The following CUL5 variants were observed in gnomAD, a reference collection of about 807,000 sequenced individuals.
CUL5 encodes cullin-5.
In CUL5, 26 loss-of-function variants were observed where a neutral mutation model predicts 108.8. The ratio of observed to expected loss-of-function variants is 0.24; its 90% CI spans 0.18 to 0.33. The LOEUF is 0.33. Ranked by LOEUF, CUL5 falls within the 10% of genes least tolerant of loss-of-function variation. The pLI is 1.00. For missense variants in CUL5, 524 were observed against 909.2 expected, an observed-to-expected ratio of 0.58 and a Z score of 5.45; for synonymous variants, 334 against 298.0, an observed-to-expected ratio of 1.12 and a Z score of -1.25.
chr11:108,092,142 CAAAA>C (rs942368064), intron 13 of CUL5, among the ~76,000 whole-genome samples: 1 of 150,874 alleles, frequency 6.6e-6, no homozygotes, highest in Non-Finnish European at 1.5e-5. Flanking sequence ...TTCTCAAAAA[CAAAA>C]AAAACACAAA....
chr11:108,051,564 T>G (rs1170522890), intron 4 of CUL5, among the ~76,000 whole-genome samples: 1 of 152,332 alleles, frequency 6.6e-6, no homozygotes, highest in East Asian at 1.9e-4. Flanking sequence ...TTGTTGTTAT[T>G]GTTGCTGTCA....
At chr11:108,066,169 T>C (rs1184556606) in intron 7 of CUL5, among the ~76,000 whole-genome samples, 1 of 152,064 alleles carries the variant, frequency 6.6e-6, no homozygotes, top group Non-Finnish European at 1.5e-5. Flanking sequence ...TGAAACCCTG[T>C]TTCTACTAAA....
intron 1 of CUL5, among the ~76,000 whole-genome samples, chr11:108,010,960 A>T (rs1380645408): frequency 6.6e-6 from 1 of 152,234 alleles, no homozygotes; most frequent in Non-Finnish European, 1.5e-5. Flanking sequence ...GGTTATAGTT[A>T]ACTATGATCA....
intron 3 of CUL5, 89 bp from the exon 4 acceptor site, chr11:108,049,798 AATT>A: frequency 9.9e-7 from 1 of 1,006,574 alleles, no homozygotes; most frequent in Non-Finnish European, 1.5e-6. Context: ...ATAATTTAAA[AATT>A]ATGTACAATT....
chr11:108,071,475 C>A (rs574135928), intron 8 of CUL5, among the ~76,000 whole-genome samples: 18 of 152,250 alleles, frequency 1.2e-4, no homozygotes, highest in African/African-American at 4.3e-4. Context: ...GTTGCCCAGG[C>A]TGATCTCCAC....
chr11:108,097,564 T>A, intron 16 of CUL5, 72 bp from the exon 17 acceptor site: 1 of 818,356 alleles, frequency 1.2e-6, no homozygotes, highest in Non-Finnish European at 2.0e-6. Flanking sequence ...CTATGTTGAT[T>A]ATGTGGGAGA....
At chr11:108,021,970 A>G (rs1862336926) in intron 1 of CUL5, among the ~76,000 whole-genome samples, 1 of 151,864 alleles carries the variant, frequency 6.6e-6, no homozygotes, top group Non-Finnish European at 1.5e-5. Context: ...GTGCCCCACC[A>G]TGCCCATCTA....
At chr11:108,048,961 G>A (rs1480245075) in intron 3 of CUL5, among the ~76,000 whole-genome samples, 1 of 151,388 alleles carries the variant, frequency 6.6e-6, no homozygotes. Flanking sequence ...CACCGCACCT[G>A]CCGTGACTCC....
chr11:108,049,150 C>T (rs1863148263), intron 3 of CUL5, among the ~76,000 whole-genome samples: 1 of 152,140 alleles, frequency 6.6e-6, no homozygotes, highest in Admixed American at 6.6e-5. Flanking sequence ...ACTCCCTTCT[C>T]CCAACCCACT....
intron 1 of CUL5, among the ~76,000 whole-genome samples, chr11:108,016,517 T>C (rs921568053): frequency 2.6e-5 from 4 of 152,220 alleles, no homozygotes; most frequent in African/African-American, 7.2e-5. Context: ...TCCAAAGTGC[T>C]GGGATTACTG....
intron 7 of CUL5, among the ~76,000 whole-genome samples, chr11:108,058,926 G>A (rs1863467551): frequency 6.6e-6 from 1 of 152,188 alleles, no homozygotes; most frequent in Admixed American, 6.5e-5. Flanking sequence ...CTTCCGAGCT[G>A]TGCTGCTGAA....
intron 1 of CUL5, 127 bp downstream of exon 1, chr11:108,009,499 C>A: frequency 1.0e-6 from 1 of 1,000,022 alleles, no homozygotes; most frequent in Non-Finnish European, 1.5e-6. Flanking sequence ...GCAGGGAAGC[C>A]GCGGTGGCAG....
chr11:108,083,656 TG>T (rs894107682), intron 11 of CUL5, among the ~76,000 whole-genome samples: 2 of 152,236 alleles, frequency 1.3e-5, no homozygotes, highest in Admixed American at 6.5e-5. Context: ...ACGAGCATGA[TG>T]GTGCGTGCCT....
intron 5 of CUL5, among the ~76,000 whole-genome samples, chr11:108,053,565 G>A (rs1009568584): frequency 3.3e-5 from 5 of 151,850 alleles, no homozygotes; most frequent in Admixed American, 6.6e-5. Flanking sequence ...TGAAATAGTC[G>A]TCTTATAATC....
At chr11:108,030,841 T>C (rs1862563101) in intron 1 of CUL5, among the ~76,000 whole-genome samples, 1 of 152,208 alleles carries the variant, frequency 6.6e-6, no homozygotes, top group African/African-American at 2.4e-5. Context: ...TTGATAAACA[T>C]GCAGATTGTG....
chr11:108,066,259 G>A (rs1412746697), intron 7 of CUL5, among the ~76,000 whole-genome samples: 2 of 151,982 alleles, frequency 1.3e-5, no homozygotes, highest in Non-Finnish European at 2.9e-5. Context: ...GGGAGAAATG[G>A]TGTGAACCCA....
intron 18 of CUL5, among the ~76,000 whole-genome samples, chr11:108,098,905 A>C (rs1240650326): frequency 2.0e-5 from 3 of 152,100 alleles, no homozygotes; most frequent in African/African-American, 4.8e-5. Flanking sequence ...AGTAACACCT[A>C]CACATGATTG....
chr11:108,039,615 C>T (rs1317702695), intron 2 of CUL5, among the ~76,000 whole-genome samples: 2 of 152,206 alleles, frequency 1.3e-5, no homozygotes, highest in Admixed American at 6.5e-5. Flanking sequence ...GCTCTGTACC[C>T]ATTAAACAAT....
At chr11:108,025,716 AG>A (rs1424121979) in intron 1 of CUL5, among the ~76,000 whole-genome samples, 1 of 152,106 alleles carries the variant, frequency 6.6e-6, no homozygotes, top group East Asian at 1.9e-4. Context: ...TCTCACACCC[AG>A]GTACAGGTTA....
Sources: allele counts gnomAD v4.1 joint callset (sites outside exome capture counted in the v4.1 genomes callset), GRCh38; gene constraint gnomAD v4.1.1; transcripts MANE v1.5; gene names NCBI Gene and HGNC (gene_info 2026-07-23, HGNC 2026-07-21).